The following FNIP2 variants were observed in gnomAD, a reference collection of about 807,000 sequenced individuals.
FNIP2 encodes the protein folliculin interacting protein 2, also known as folliculin-interacting protein 2.
A neutral mutation model predicts 108.7 loss-of-function variants in FNIP2; 32 were observed. The ratio of observed to expected loss-of-function variants is 0.29; its 90% CI spans 0.22 to 0.40. The LOEUF is 0.40. FNIP2 is among the 10% of genes least tolerant of loss of function. FNIP2 has a pLI of 1.00. For missense variants in FNIP2, 1,202 were observed against 1,381.6 expected, an observed-to-expected ratio of 0.87 and a Z score of 2.06; for synonymous variants, 480 against 496.7, an observed-to-expected ratio of 0.97 and a Z score of 0.45.
intron 1 of FNIP2, chr4:158,806,166 A>G (rs764142807): frequency 6.0e-5 from 75 of 1,246,960 alleles, no homozygotes; most frequent in South Asian, 6.0e-4. Context: ...TGTTCCTCAC[A>G]TAACAAAGGA....
chr4:158,883,751 A>G (rs1477010299), intron 14 of FNIP2, among the ~76,000 whole-genome samples: 1 of 152,172 alleles, frequency 6.6e-6, no homozygotes, highest in Non-Finnish European at 1.5e-5. Context: ...TTGTAGCAAC[A>G]TGCATGATAG....
chr4:158,868,136 A>T lies in FNIP2; in HGVS notation c.1500A>T (p.Arg500Ser), dbSNP rs953285761. The T allele has an allele frequency of 1.2e-6, 2 of 1,613,864 alleles. No homozygotes were observed. Among genetic ancestry groups the T allele is most frequent in the African/African-American group, 2.7e-5 (2 of 74,908 alleles). Residue 500 changes from arginine to serine, a missense_variant, in exon 13 of 17, where the codon AGA (arginine) becomes AGT (serine). Transcript: ENST00000264433. The surrounding 1 kb of genome is among the most constrained non-coding windows in gnomAD (Gnocchi z 4.6). Reference protein sequence around the residue: ...DLYGAIGSPVRLTRTVVVGKQ... With the variant: ...DLYGAIGSPVSLTRTVVVGKQ... The stretch of plus-strand genomic sequence containing the variant: ...ACGGAGCCATAGGCTCTCCAGTGAG[A>T]CTGACTCGCACCGTAGTGGTAGGGA...
intron 7 of FNIP2, among the ~76,000 whole-genome samples, chr4:158,837,297 C>G (rs1000647557): frequency 1.3e-5 from 2 of 152,140 alleles, no homozygotes; most frequent in Non-Finnish European, 2.9e-5. Context: ...CTTTAGCTCT[C>G]TGTGAAAGAA....
intron 16 of FNIP2, among the ~76,000 whole-genome samples, chr4:158,899,002 T>C (rs1444148944): frequency 6.6e-6 from 1 of 152,214 alleles, no homozygotes; most frequent in Non-Finnish European, 1.5e-5. Context: ...CTCTTATTAT[T>C]TTGGGATACG....
chr4:158,770,334 A>G (rs1387217841), intron 1 of FNIP2, among the ~76,000 whole-genome samples: 1 of 152,236 alleles, frequency 6.6e-6, no homozygotes, highest in Non-Finnish European at 1.5e-5. Flanking sequence ...ATTGAGCACC[A>G]ACTCCCAATT....
chr4:158,868,246 G>T lies in FNIP2; in HGVS notation c.1610G>T (p.Trp537Leu). 1.2e-6 allele frequency: 2 copies of T among 1,614,068 alleles called. No individual in the cohort carries two copies. Among genetic ancestry groups the T allele is most frequent in the South Asian group, 2.2e-5 (2 of 91,086 alleles). Residue 537 changes from tryptophan (W) to leucine (L), a missense_variant, in exon 13 of 17, where the codon TGG (tryptophan) becomes TTG (leucine). Trp to Leu is a moderately conservative substitution (Grantham distance 61). Coordinates refer to ENST00000264433, the MANE Select transcript of FNIP2 (RefSeq NM_020840.3). The surrounding 1 kb of genome is among the most constrained non-coding windows in gnomAD (Gnocchi z 4.6). ...GAGCTACAAGAGAACCAGCTGACCT[G>T]GAGTGGCAATCATGGTGAAGGTGAC... is the stretch of plus-strand genomic sequence containing the variant. ...CSELQENQLT[W>L]SGNHGEGDQV...
At chr4:158,795,337 G>T (rs1424842335) in intron 1 of FNIP2, among the ~76,000 whole-genome samples, 1 of 152,188 alleles carries the variant, frequency 6.6e-6, no homozygotes, top group Non-Finnish European at 1.5e-5. Context: ...CTAACTGCCT[G>T]CTCTCTGCTC....
chr4:158,816,436 T>A (rs537296639), intron 1 of FNIP2, among the ~76,000 whole-genome samples: 1 of 152,256 alleles, frequency 6.6e-6, no homozygotes, highest in East Asian at 1.9e-4. Flanking sequence ...ATTTCAGTAA[T>A]CCAGGAATAT....
At chr4:158,853,601 C>A (rs907000597) in intron 8 of FNIP2, among the ~76,000 whole-genome samples, 18 of 152,108 alleles carry the variant, frequency 1.2e-4, no homozygotes, top group African/African-American at 4.1e-4. Context: ...TGTTCAGTGC[C>A]CACCTATGAG....
chr4:158,873,622 A>T (rs1008637495), intron 14 of FNIP2, among the ~76,000 whole-genome samples: 2 of 152,230 alleles, frequency 1.3e-5, no homozygotes, highest in Non-Finnish European at 2.9e-5. Flanking sequence ...CTAGTCTCTT[A>T]TGAAAGAAAG....
chr4:158,901,333 G>C (rs1225740880), intron 16 of FNIP2, among the ~76,000 whole-genome samples: 1 of 151,996 alleles, frequency 6.6e-6, no homozygotes, highest in Non-Finnish European at 1.5e-5. Context: ...CTCTCTTCTG[G>C]CTTGTAGGGT....
chr4:158,855,712 C>T (rs956203619), intron 8 of FNIP2, among the ~76,000 whole-genome samples: 5 of 152,216 alleles, frequency 3.3e-5, no homozygotes, highest in Non-Finnish European at 7.3e-5. Flanking sequence ...TCCCAAAGTG[C>T]TGGGATTACA....
At chr4:158,894,258 C>A (rs1178626996) in intron 15 of FNIP2, among the ~76,000 whole-genome samples, 1 of 151,064 alleles carries the variant, frequency 6.6e-6, no homozygotes, top group East Asian at 1.9e-4. Flanking sequence ...GCAGCCTTGA[C>A]CTCCTAGGCT....
chr4:158,796,211 T>C (rs1776586294), intron 1 of FNIP2, among the ~76,000 whole-genome samples: 1 of 152,106 alleles, frequency 6.6e-6, no homozygotes, highest in Admixed American at 6.5e-5. Context: ...TTGGTTTGGG[T>C]CCTAAAAGAA....
chr4:158,816,193 G>C (rs1213839425), intron 1 of FNIP2, among the ~76,000 whole-genome samples: 1 of 152,144 alleles, frequency 6.6e-6, no homozygotes, highest in Non-Finnish European at 1.5e-5. Flanking sequence ...ACCTTACACA[G>C]AGAATCATGC....
chr4:158,800,479 GT>G (rs1776724771), intron 1 of FNIP2, among the ~76,000 whole-genome samples: 1 of 152,128 alleles, frequency 6.6e-6, no homozygotes, highest in Non-Finnish European at 1.5e-5. Flanking sequence ...GTCAGAAATT[GT>G]TTTGCCTCTG....
chr4:158,898,522 G>A (rs374480912), intron 16 of FNIP2, among the ~76,000 whole-genome samples: 1 of 152,058 alleles, frequency 6.6e-6, no homozygotes, highest in Non-Finnish European at 1.5e-5. Flanking sequence ...CTTGAGCAGT[G>A]GTTTGCAGTT....
At chr4:158,785,674 G>A (rs748174198) in intron 1 of FNIP2, among the ~76,000 whole-genome samples, 2 of 149,748 alleles carry the variant, frequency 1.3e-5, no homozygotes, top group Non-Finnish European at 1.5e-5. Flanking sequence ...TTTCTTTCCA[G>A]TTACAGGGTT....
intron 1 of FNIP2, among the ~76,000 whole-genome samples, chr4:158,779,256 G>T (rs1284687085): frequency 6.6e-6 from 1 of 152,090 alleles, no homozygotes; most frequent in Non-Finnish European, 1.5e-5. Flanking sequence ...GCACAAAGAT[G>T]TTCTTTATAT....
Sources: gnomAD v4.1 joint callset for allele counts (sites outside exome capture counted in the v4.1 genomes callset) on GRCh38, gnomAD v4.1.1 for gene constraint, Gnocchi (gnomAD v3.1) non-coding constraint, MANE v1.5 for transcripts, NCBI Gene and HGNC (gene_info 2026-07-23, HGNC 2026-07-21) for gene names.